Variants in NRXN1 observed in about 807,000 individuals in gnomAD.
NRXN1 encodes the protein neurexin-1.
Under a neutral mutation model 150.9 loss-of-function variants are expected in NRXN1, and 39 were observed. That is an observed-to-expected ratio of 0.26 (90% CI 0.20 to 0.34). The LOEUF (loss-of-function observed/expected upper bound fraction) is 0.34. NRXN1 is among the 10% of genes least tolerant of loss of function. The probability of loss-of-function intolerance (pLI) is 1.00; values close to 1 mark genes in which losing one functional copy is unlikely to be tolerated. For synonymous variants in NRXN1, 924 were observed against 757.0 expected, an observed-to-expected ratio of 1.22 and a Z score of -3.62; for missense variants, 1,815 against 1,949.9, an observed-to-expected ratio of 0.93 and a Z score of 1.30.
At chr2:50,289,007 T>A (rs2152941238) in intron 17 of NRXN1, among the ~76,000 whole-genome samples, 1 of 152,176 alleles carries the variant, frequency 6.6e-6, no homozygotes, top group East Asian at 1.9e-4. Context: ...AGGTGAGGAA[T>A]CTAGGGCAAT....
intron 5 of NRXN1, among the ~76,000 whole-genome samples, chr2:50,631,629 G>C (rs1340766044): frequency 6.6e-6 from 1 of 151,912 alleles, no homozygotes; most frequent in Non-Finnish European, 1.5e-5. Context: ...AAAGAAAATA[G>C]GACATGTTCC....
chr2:50,964,544 G>A (rs1325410618), intron 2 of NRXN1, among the ~76,000 whole-genome samples: 1 of 151,406 alleles, frequency 6.6e-6, no homozygotes, highest in East Asian at 1.9e-4. Flanking sequence ...ATATTCAGAT[G>A]TTTAAAATAA....
chr2:50,497,416 C>T lies in NRXN1; in HGVS notation c.2796G>A (p.Gln932=). 6.2e-7 allele frequency: 1 copy of T among 1,609,158 alleles called. No homozygotes were observed. Among genetic ancestry groups the T allele is most frequent in the Non-Finnish European group, 8.5e-7 (1 of 1,177,170 alleles). The change falls in exon 14 of 23, where the codon CAG becomes CAA. Residue 932 remains glutamine (Q), a synonymous_variant. Transcript: ENST00000401669. ...ATCCATCTAGGGATGTTGTCTTGAA[C>T]TGGAAAAAAAGATGCATAGAAGTGT... ...QAYTSMHLFF[Q]FKTTSLDGLI...
At chr2:50,634,117 A>C (rs1418693926) in intron 5 of NRXN1, among the ~76,000 whole-genome samples, 1 of 152,180 alleles carries the variant, frequency 6.6e-6, no homozygotes, top group Admixed American at 6.5e-5. Context: ...AGTCCTTCTA[A>C]ATTTTGGGCA....
At chr2:50,734,317 T>G (rs1698457886) in intron 5 of NRXN1, among the ~76,000 whole-genome samples, 1 of 152,168 alleles carries the variant, frequency 6.6e-6, no homozygotes, top group Admixed American at 6.5e-5. Flanking sequence ...TGGTGCATGC[T>G]AGTAGTGCCT....
intron 17 of NRXN1, among the ~76,000 whole-genome samples, chr2:50,302,920 TCCA>T (rs2074292217): frequency 3.3e-4 from 3 of 8,972 alleles, no homozygotes; most frequent in Non-Finnish European, 6.0e-4. Flanking sequence ...AGGCCATCCA[TCCA>T]TCCATCCATC....
chr2:50,217,893 A>G (rs1390526171), intron 18 of NRXN1, among the ~76,000 whole-genome samples: 1 of 152,084 alleles, frequency 6.6e-6, no homozygotes, highest in African/African-American at 2.4e-5. Context: ...TCATCCAGAA[A>G]ACATTTACTG....
intron 5 of NRXN1, among the ~76,000 whole-genome samples, chr2:50,792,446 G>A (rs1410785802): frequency 1.3e-5 from 2 of 151,988 alleles, no homozygotes; most frequent in Non-Finnish European, 2.9e-5. Flanking sequence ...AAGACCAAAT[G>A]AGTTTTAAAC....
intron 17 of NRXN1, among the ~76,000 whole-genome samples, chr2:50,360,225 T>C (rs4971666): frequency 0.026 from 3,952 of 152,256 alleles, 144 homozygotes; most frequent in East Asian, 0.12. Context: ...AGTAACCAAC[T>C]AGCATCATAA....
At chr2:50,669,802 CA>C (rs199500812) in intron 5 of NRXN1, among the ~76,000 whole-genome samples, 1 of 139,538 alleles carries the variant, frequency 7.2e-6, no homozygotes, top group Admixed American at 7.2e-5. Flanking sequence ...CACAGCTACT[CA>C]AAATAAATAA....
chr2:50,675,330 G>A (rs140381445), intron 5 of NRXN1, among the ~76,000 whole-genome samples: 38 of 152,192 alleles, frequency 2.5e-4, no homozygotes, highest in Non-Finnish European at 5.1e-4. Flanking sequence ...TACTGCTTGC[G>A]TCTAACGTGC....
At position 51,007,004 on chromosome 2, in the gene NRXN1, G is replaced by A. The variant is rs138038990; in HGVS notation, c.772+20498C>T. On this transcript the variant is annotated intron_variant, in intron 2 of 22. Coordinates refer to ENST00000401669, the MANE Select transcript of NRXN1 (RefSeq NM_001330078.2). ...ATGAACACCAATAGAGCAGTGACCT[G>A]CCTATCTGATGACAAACATAACCCC... Among the ~76,000 whole-genome samples the A allele has an allele frequency of 4.1e-3, 628 of 151,624 alleles. 2 individuals are homozygous for A. Among genetic ancestry groups the A allele is most frequent in the Non-Finnish European group, 7.0e-3 (476 of 67,890 alleles).
At chr2:50,034,524 G>A (rs1442332986) in intron 21 of NRXN1, among the ~76,000 whole-genome samples, 1 of 151,848 alleles carries the variant, frequency 6.6e-6, no homozygotes. Context: ...TAGAGTATCA[G>A]GAAAAATAAC....
At chr2:50,723,205 G>A (rs917039202) in intron 5 of NRXN1, among the ~76,000 whole-genome samples, 1 of 152,132 alleles carries the variant, frequency 6.6e-6, no homozygotes, top group South Asian at 2.1e-4. Flanking sequence ...ACAGGCCCCA[G>A]GAAAGAAGCA....
chr2:50,638,537 A>G (rs1683568058), intron 5 of NRXN1, among the ~76,000 whole-genome samples: 1 of 152,114 alleles, frequency 6.6e-6, no homozygotes, highest in Non-Finnish European at 1.5e-5. Context: ...ACTGAATAAC[A>G]CTACCTCTTG....
chr2:50,359,250 G>A (rs747256948), intron 17 of NRXN1, among the ~76,000 whole-genome samples: 7 of 151,952 alleles, frequency 4.6e-5, no homozygotes, highest in South Asian at 2.1e-4. Context: ...ACTGGACGGC[G>A]AATGAGTTTG....
intron 8 of NRXN1, among the ~76,000 whole-genome samples, chr2:50,573,316 C>T (rs758793065): frequency 6.6e-6 from 1 of 151,716 alleles, no homozygotes; most frequent in Non-Finnish European, 1.5e-5. Context: ...TGAACCGTAA[C>T]TGCACCACTG....
chr2:50,843,205 A>C (rs1673127878), intron 5 of NRXN1, among the ~76,000 whole-genome samples: 1 of 152,170 alleles, frequency 6.6e-6, no homozygotes, highest in African/African-American at 2.4e-5. Flanking sequence ...GGATATCCCT[A>C]TGGCTCTTCT....
At chr2:50,579,410 T>C (rs1356501061) in intron 8 of NRXN1, among the ~76,000 whole-genome samples, 1 of 152,216 alleles carries the variant, frequency 6.6e-6, no homozygotes, top group Non-Finnish European at 1.5e-5. Context: ...CCCGTTATCC[T>C]GGTACTTCGG....
Sources: gnomAD v4.1 joint callset for allele counts (sites outside exome capture counted in the v4.1 genomes callset) on GRCh38, gnomAD v4.1.1 for gene constraint, MANE v1.5 for transcripts, NCBI Gene and HGNC (gene_info 2026-07-23, HGNC 2026-07-21) for gene names.